The following MALRD1 variants were observed in gnomAD, a reference collection of about 807,000 sequenced individuals.
MALRD1 encodes MAM and LDL-receptor class A domain-containing protein 1.
A neutral mutation model predicts 242.1 loss-of-function variants in MALRD1; 247 were observed. That is an observed-to-expected ratio of 1.02 (90% CI 0.92 to 1.13). The LOEUF is 1.13. MALRD1 is among the 50% of genes most tolerant of loss of function. MALRD1 has a pLI of 0.00. For synonymous variants in MALRD1, 995 were observed against 866.6 expected (o/e 1.15, Z -2.60); for missense variants, 2,989 against 2,533.1 (o/e 1.18, Z -3.86).
chr10:19,458,877 A>T (rs1262149290), intron 29 of MALRD1, among the ~76,000 whole-genome samples: 1 of 148,532 alleles, frequency 6.7e-6, no homozygotes. Context: ...TGTTTTTTAG[A>T]TATGTATAGT....
chr10:19,627,701 C>T (rs1188825547), intron 36 of MALRD1, among the ~76,000 whole-genome samples: 1 of 147,340 alleles, frequency 6.8e-6, no homozygotes. Flanking sequence ...GCAGAGGTTT[C>T]GCAGTGAGCC....
intron 28 of MALRD1, among the ~76,000 whole-genome samples, chr10:19,408,614 T>C (rs1833137277): frequency 6.6e-6 from 1 of 152,002 alleles, no homozygotes; most frequent in African/African-American, 2.4e-5. Context: ...GCAAAAGATA[T>C]AAAGAGACAT....
intron 29 of MALRD1, among the ~76,000 whole-genome samples, chr10:19,458,706 A>G (rs1835786672): frequency 6.6e-6 from 1 of 152,114 alleles, no homozygotes; most frequent in Non-Finnish European, 1.5e-5. Flanking sequence ...GAAATATTTA[A>G]AATGTAGTGT....
intron 18 of MALRD1, among the ~76,000 whole-genome samples, chr10:19,219,551 T>C (rs1216617312): frequency 6.6e-6 from 1 of 152,080 alleles, no homozygotes; most frequent in African/African-American, 2.4e-5. Flanking sequence ...ATGCTCTTGA[T>C]TCAGCCTCCC....
At chr10:19,185,628 A>C (rs1229295102) in intron 14 of MALRD1, among the ~76,000 whole-genome samples, 2 of 152,230 alleles carry the variant, frequency 1.3e-5, no homozygotes, top group Non-Finnish European at 2.9e-5. Context: ...GCAGAGATGC[A>C]TAATAGAGAC....
At chr10:19,521,661 A>G (rs1833891582) in intron 31 of MALRD1, among the ~76,000 whole-genome samples, 2 of 152,124 alleles carry the variant, frequency 1.3e-5, no homozygotes, top group South Asian at 4.1e-4. Context: ...AATATATTCT[A>G]GTTCTCTTCC....
intron 18 of MALRD1, among the ~76,000 whole-genome samples, chr10:19,224,181 C>A (rs897541519): frequency 2.0e-5 from 3 of 152,050 alleles, no homozygotes; most frequent in African/African-American, 7.2e-5. Context: ...AAAAGCATTC[C>A]TATTTCTCCA....
chr10:19,174,935 T>C lies in MALRD1; in HGVS notation c.1831-273T>C, dbSNP rs187757450. On this transcript the variant is annotated intron_variant, in intron 13 of 39. Transcript: ENST00000454679. ...CATTATAAATGCATATGACTCTTAA[T>C]GGCTCCAATGAGAAGAGAGCCCTTC... 4.5e-4 allele frequency among the ~76,000 whole-genome samples: 69 copies of C among 152,284 alleles called. 1 individual carries two copies. In the South Asian group the frequency reaches 0.011, roughly 25 times the overall value.
At chr10:19,498,996 A>C in intron 31 of MALRD1, among the ~76,000 whole-genome samples, 1 of 152,172 alleles carries the variant, frequency 6.6e-6, no homozygotes, top group Non-Finnish European at 1.5e-5. Flanking sequence ...CAATGCTAAA[A>C]GTTATCCTGT....
chr10:19,064,305 G>T (rs1564368871), intron 1 of MALRD1, among the ~76,000 whole-genome samples: 1 of 152,322 alleles, frequency 6.6e-6, no homozygotes, highest in South Asian at 2.1e-4. Flanking sequence ...AATCTACATT[G>T]TGACAGATTT....
chr10:19,668,177 C>T (rs1841760114), intron 36 of MALRD1, among the ~76,000 whole-genome samples: 1 of 152,156 alleles, frequency 6.6e-6, no homozygotes. Context: ...CCAAGAATTT[C>T]CCATTTTCAT....
At chr10:19,428,975 A>C (rs1367197730) in intron 28 of MALRD1, among the ~76,000 whole-genome samples, 2 of 152,188 alleles carry the variant, frequency 1.3e-5, no homozygotes, top group African/African-American at 4.8e-5. Flanking sequence ...ATTGAACATA[A>C]ATAGCCATAT....
At chr10:19,147,705 G>A (rs1833772088) in intron 11 of MALRD1, among the ~76,000 whole-genome samples, 2 of 152,200 alleles carry the variant, frequency 1.3e-5, no homozygotes, top group Admixed American at 1.3e-4. Context: ...ATTGCAATCG[G>A]TTATGAAGGA....
At chr10:19,254,115 A>G (rs891550761) in intron 18 of MALRD1, among the ~76,000 whole-genome samples, 4 of 151,980 alleles carry the variant, frequency 2.6e-5, no homozygotes, top group African/African-American at 9.7e-5. Flanking sequence ...TTCTTTGCAA[A>G]TTACCCAGTC....
In MALRD1 at chr10:19,296,382, C is replaced by G. The variant is rs575556942; in HGVS notation, c.3419+13201C>G. 5.9e-5 allele frequency among the ~76,000 whole-genome samples: 9 copies of G among 152,012 alleles called. No homozygotes were observed. In the South Asian group the frequency reaches 1.9e-3, roughly 32 times the overall value. ...GTTTCTTATTTGGCAAGTTGATAGTCTGACTTTCCTAGCTATGTGTTTTAT... is the reference window on the plus strand; with the variant it reads ...GTTTCTTATTTGGCAAGTTGATAGTGTGACTTTCCTAGCTATGTGTTTTAT... On this transcript the variant is annotated intron_variant, in intron 21 of 39. Transcript: ENST00000454679.
At position 19,323,905 on chromosome 10, in the gene MALRD1, C is replaced by A. The variant is rs1381179470; in HGVS notation, c.3420-44C>A. ...GGATTACAGGCGTGAGCCACCGTGC[C>A]CGGCCTCTTATTCCTTTTATAATAT... is the stretch of plus-strand genomic sequence containing the variant. On this transcript the variant is annotated intron_variant, in intron 21 of 39. Transcript: ENST00000454679. 3 of 1,537,914 alleles carry A rather than the reference C, an allele frequency of 2.0e-6. No homozygotes were observed. In the Admixed American group the frequency reaches 5.9e-5, roughly 30 times the overall value.
At chr10:19,721,553 T>C (rs1834754759) in intron 38 of MALRD1, 1 of 152,160 alleles carries the variant, frequency 6.6e-6, no homozygotes, top group South Asian at 2.1e-4. Context: ...CTCTCCCTAG[T>C]AGTAACAAAT....
rs1834331089 is a variant in MALRD1 at position 19,530,408 on chromosome 10, TTTATATAATA to T, written c.5321-785_5321-776del. On this transcript the variant is annotated intron_variant, in intron 31 of 39. Transcript: ENST00000454679. ...TATATATTTATATAAATATTATATA[TTTATATAATA>T]ATAAATATATAATATATATAATATA... Among the ~76,000 whole-genome samples the T allele has an allele frequency of 2.8e-5, 2 of 71,126 alleles. 1 individual carries two copies. The highest frequency in any genetic ancestry group is 5.1e-5 in the Non-Finnish European group (2 of 39,564). 46.7% of individuals were successfully genotyped at this position (71,126 alleles called of 152,430 possible). A position where few individuals can be genotyped will look rare whatever the true frequency, so the allele number is the denominator to read the frequency against.
intron 39 of MALRD1, among the ~76,000 whole-genome samples, chr10:19,731,214 A>C (rs71497289): frequency 0.05 from 7,542 of 152,282 alleles, 281 homozygotes; most frequent in Middle Eastern, 0.088. Context: ...GAGGGCCATT[A>C]CCTGATAACT....
Sources: allele counts gnomAD v4.1 joint callset (sites outside exome capture counted in the v4.1 genomes callset), GRCh38; gene constraint gnomAD v4.1.1; transcripts MANE v1.5; gene names NCBI Gene and HGNC (gene_info 2026-07-23, HGNC 2026-07-21).